The following APOOL variants were observed in gnomAD, a reference collection of about 807,000 sequenced individuals.
APOOL encodes the protein MICOS complex subunit MIC27.
Under a neutral mutation model 23.1 loss-of-function variants are expected in APOOL, and 12 were observed. That is an observed-to-expected ratio of 0.52 (90% confidence interval 0.33 to 0.84). The LOEUF is 0.84. Among genes scored for constraint, APOOL ranks in the 40% least tolerant of loss-of-function variants. APOOL has a pLI of 0.02. For synonymous variants in APOOL, 77 were observed against 69.9 expected, an observed-to-expected ratio of 1.10 and a Z score of -0.51; for missense variants, 212 against 199.6, an observed-to-expected ratio of 1.06 and a Z score of -0.37.
intron 6 of APOOL, among the ~76,000 whole-genome samples, chrX:85,068,716 T>C (rs1923560707): frequency 9.0e-6 from 1 of 111,667 alleles, no homozygotes; most frequent in Non-Finnish European, 1.9e-5. Context: ...CTGATTCTTC[T>C]TTTTTCTAAG....
At chrX:85,060,652 G>T (rs1261294586) in intron 5 of APOOL, among the ~76,000 whole-genome samples, 2 of 111,270 alleles carry the variant, frequency 1.8e-5, no homozygotes, top group Non-Finnish European at 3.8e-5. Flanking sequence ...CTGTGAATGG[G>T]AGTTCACTCA....
intron 1 of APOOL, among the ~76,000 whole-genome samples, chrX:85,014,525 C>T (rs1474748889): frequency 1.0e-5 from 1 of 99,926 alleles, no homozygotes; most frequent in African/African-American, 3.9e-5. Context: ...GGCAAATTCT[C>T]AGCATTTTTT....
intron 2 of APOOL, among the ~76,000 whole-genome samples, chrX:85,050,646 C>T (rs1465170700): frequency 1.8e-5 from 2 of 108,686 alleles, no homozygotes; most frequent in African/African-American, 3.3e-5. Flanking sequence ...GAAGTAAGTC[C>T]CTACCTGGTT....
intron 1 of APOOL, among the ~76,000 whole-genome samples, chrX:85,032,863 G>A (rs939464429): frequency 1.4e-4 from 16 of 111,742 alleles, no homozygotes; most frequent in African/African-American, 4.6e-4. Context: ...TTTGATGAAC[G>A]TTATATCTTG....
chrX:85,050,275 T>C (rs1218899742), intron 2 of APOOL, among the ~76,000 whole-genome samples: 2 of 111,738 alleles, frequency 1.8e-5, no homozygotes, highest in Non-Finnish European at 3.8e-5. Context: ...ATAAAAAAAC[T>C]GACATAAAAT....
In APOOL at chrX:85,092,417, GTTC is replaced by G. The variant is rs1421602211; in HGVS notation, c.*4744_*4746del. Reference sequence around the variant, plus strand: ...CATTCTTCCCATGCCATGTCCAGGAGTTCTTCTCTGTTAAACCTGAAGAGATGC... The same window carrying G: ...CATTCTTCCCATGCCATGTCCAGGAGTTCTCTGTTAAACCTGAAGAGATGC... On this transcript the variant is annotated 3_prime_UTR_variant, in exon 9 of 9. Coordinates refer to ENST00000373173, the MANE Select transcript of APOOL (RefSeq NM_198450.6). 4 of 1,178,828 alleles carry G rather than the reference GTTC, an allele frequency of 3.4e-6. No homozygotes were observed. Among genetic ancestry groups the G allele is most frequent in the Middle Eastern group, 2.3e-4 (1 of 4,332 alleles).
rs1046218054 is a variant in APOOL at position 85,051,991 on chromosome X, C to T, written c.240+483C>T. Among the ~76,000 whole-genome samples the T allele has an allele frequency of 4.5e-5, 5 of 111,983 alleles. No individual in the cohort carries two copies. The East Asian group carries it at 1.4e-3, about 31-fold the overall frequency. On this transcript the variant is annotated intron_variant, in intron 3 of 8. Transcript: ENST00000373173. ...CAGATATCCAAGAAAGTCACTTCTA[C>T]AGCATTCTATTGTTAAGTCACTAAG...
In APOOL at chrX:85,079,363, G is replaced by A. The variant is rs765793907; in HGVS notation, c.718+4972G>A. Among the ~76,000 whole-genome samples, 34 of 111,665 alleles carry A rather than the reference G, an allele frequency of 3.0e-4. No homozygotes were observed. In the East Asian group the frequency reaches 4.0e-3, roughly 13 times the overall value. On this transcript the variant is annotated intron_variant, in intron 8 of 8. Coordinates refer to ENST00000373173, the MANE Select transcript of APOOL (RefSeq NM_198450.6). ...TTGAGATAATCATGTGGTTTTTGTC[G>A]TTGGTTCTGTTTATATGCTGGATTA...
Position 85,074,264 on chromosome X carries a change from T to C in APOOL, c.601-10T>C. 1 of 1,209,979 alleles carries C rather than the reference T, an allele frequency of 8.3e-7. No individual in the cohort carries two copies. The highest frequency in any genetic ancestry group is 1.8e-5 in the South Asian group (1 of 56,770). On this transcript the variant is annotated splice_polypyrimidine_tract_variant and intron_variant, in intron 7 of 8. Transcript: ENST00000373173. ...TTTACTTATGAAGGAAAAATCTGTT[T>C]GGTAAACAGCTAGGATCCTCTTCCG...
At chrX:85,038,972 A>G (rs1922317923) in intron 1 of APOOL, among the ~76,000 whole-genome samples, 1 of 109,970 alleles carries the variant, frequency 9.1e-6, no homozygotes, top group Non-Finnish European at 1.9e-5. Context: ...TTGTTTTTCA[A>G]ATTCCTCTAG....
chrX:85,056,574 T>G (rs1430770622), intron 5 of APOOL, among the ~76,000 whole-genome samples: 1 of 110,210 alleles, frequency 9.1e-6, no homozygotes, highest in Non-Finnish European at 1.9e-5. Context: ...AGAAACCCTG[T>G]CTCTACTAAA....
intron 5 of APOOL, among the ~76,000 whole-genome samples, chrX:85,064,880 T>C (rs1348959316): frequency 9.0e-6 from 1 of 111,636 alleles, no homozygotes; most frequent in Non-Finnish European, 1.9e-5. Context: ...GAGAGTTCTA[T>C]AGATATCTAT....
At chrX:85,075,007 C>A (rs762553559) in intron 8 of APOOL, among the ~76,000 whole-genome samples, 4 of 110,219 alleles carry the variant, frequency 3.6e-5, no homozygotes, top group African/African-American at 1.3e-4. Flanking sequence ...AAGAAGGTGA[C>A]AAAGTGTTTA....
At chrX:85,036,478 TC>T (rs1232750515) in intron 1 of APOOL, among the ~76,000 whole-genome samples, 1 of 111,084 alleles carries the variant, frequency 9.0e-6, no homozygotes, top group Non-Finnish European at 1.9e-5. Context: ...TTTGCCTGAC[TC>T]CTGGCTAGGA....
chrX:85,087,283 G>C (rs1414796956), intron 8 of APOOL, among the ~76,000 whole-genome samples: 1 of 110,565 alleles, frequency 9.0e-6, no homozygotes, highest in East Asian at 2.9e-4. Context: ...GTATCTATAG[G>C]GTGCACACCC....
At chrX:85,068,560 C>T (rs773243217) in intron 6 of APOOL, among the ~76,000 whole-genome samples, 4 of 108,696 alleles carry the variant, frequency 3.7e-5, no homozygotes, top group Admixed American at 1.0e-4. Context: ...CTCCCACCAC[C>T]ACGTCCAGCT....
chrX:85,038,076 A>C (rs1452728595), intron 1 of APOOL, among the ~76,000 whole-genome samples: 2 of 111,930 alleles, frequency 1.8e-5, no homozygotes, highest in Non-Finnish European at 3.8e-5. Context: ...CAAACTATGC[A>C]TTTGACAAAG....
intron 8 of APOOL, chrX:85,080,341 G>A (rs1262529216): frequency 2.7e-5 from 3 of 111,624 alleles, no homozygotes; most frequent in Non-Finnish European, 3.8e-5. Context: ...CCTTCATTTC[G>A]TTATGTACCC....
intron 1 of APOOL, among the ~76,000 whole-genome samples, chrX:85,043,898 T>C (rs750219389): frequency 8.9e-6 from 1 of 112,064 alleles, no homozygotes; most frequent in South Asian, 3.7e-4. Context: ...TAATTGCCTA[T>C]GTACCAAGTG....
Sources: allele counts gnomAD v4.1 joint callset (sites outside exome capture counted in the v4.1 genomes callset), GRCh38; gene constraint gnomAD v4.1.1; transcripts MANE v1.5; gene names NCBI Gene and HGNC (gene_info 2026-07-23, HGNC 2026-07-21).